ASTN2: variants seen among roughly 807,000 people sequenced by gnomAD.
ASTN2 encodes astrotactin-2.
In ASTN2, 54 loss-of-function variants were observed where a neutral mutation model predicts 139.8. That is an observed-to-expected ratio of 0.39 (90% confidence interval 0.31 to 0.48). ASTN2 has a LOEUF of 0.48. ASTN2 is among the 20% of genes least tolerant of loss of function. The probability of loss-of-function intolerance (pLI) is 0.95; values close to 1 mark genes in which losing one functional copy is unlikely to be tolerated. For missense variants in ASTN2, 1,565 were observed against 1,725.1 expected (o/e 0.91, Z 1.64); for synonymous variants, 756 against 719.5 (o/e 1.05, Z -0.81).
At chr9:117,265,324 T>C (rs560127715) in intron 2 of ASTN2, among the ~76,000 whole-genome samples, 49 of 152,284 alleles carry the variant, frequency 3.2e-4, no homozygotes, top group African/African-American at 1.1e-3. Context: ...GCCTCGGAGA[T>C]AGCCCACTGG....
chr9:117,087,546 G>A (rs1828600061), intron 5 of ASTN2, among the ~76,000 whole-genome samples: 1 of 152,122 alleles, frequency 6.6e-6, no homozygotes, highest in Non-Finnish European at 1.5e-5. Context: ...TTTTCTAGAA[G>A]GCAGATTAAT....
intron 19 of ASTN2, among the ~76,000 whole-genome samples, chr9:116,606,544 A>G (rs1379424407): frequency 6.6e-6 from 1 of 152,202 alleles, no homozygotes. Context: ...CTGCCAGCAA[A>G]AATTCAGAGA....
chr9:116,676,988 T>C (rs772724659), intron 16 of ASTN2, among the ~76,000 whole-genome samples: 1 of 152,258 alleles, frequency 6.6e-6, no homozygotes, highest in Non-Finnish European at 1.5e-5. Context: ...GTTTAGAAGC[T>C]ACAAATATTG....
At position 116,673,241 on chromosome 9, in the gene ASTN2, C is replaced by T. The variant is rs552915206; in HGVS notation, c.2807-21448G>A. ...TTTCAATAATTCCATTCATTCCTTCCTTGCTTTGTTTGTGGGTTTTGTCCA... is the reference window on the plus strand; with the variant it reads ...TTTCAATAATTCCATTCATTCCTTCTTTGCTTTGTTTGTGGGTTTTGTCCA... On this transcript the variant is annotated intron_variant, in intron 16 of 22. Coordinates refer to ENST00000313400, the MANE Select transcript of ASTN2 (RefSeq NM_001365068.1). Among the ~76,000 whole-genome samples the T allele has an allele frequency of 2.6e-5, 4 of 152,254 alleles. No individual in the cohort carries two copies. In the South Asian group the frequency reaches 8.3e-4, roughly 32 times the overall value.
chr9:117,199,181 G>C (rs1831614298), intron 3 of ASTN2, among the ~76,000 whole-genome samples: 1 of 152,064 alleles, frequency 6.6e-6, no homozygotes, highest in African/African-American at 2.4e-5. Context: ...ATTGCTTTTG[G>C]CATCTTCGTC....
chr9:116,596,959 G>A (rs1361431603), intron 19 of ASTN2, among the ~76,000 whole-genome samples: 1 of 152,168 alleles, frequency 6.6e-6, no homozygotes, highest in Non-Finnish European at 1.5e-5. Context: ...AAGTAGGCTA[G>A]TGTTGTTACT....
chr9:116,722,939 G>T (rs1375775399), intron 16 of ASTN2, among the ~76,000 whole-genome samples: 1 of 152,156 alleles, frequency 6.6e-6, no homozygotes, highest in Non-Finnish European at 1.5e-5. Context: ...GCTGAGATGG[G>T]CGGATCATGA....
rs144814026 is a variant in ASTN2, at chr9:117,268,555, C to T, written c.630+22771G>A. ...TCTGATACAGTGCCATCTTGTATTC[C>T]CTGAATACATGACTCAGGACCCTGA... On this transcript the variant is annotated intron_variant, in intron 2 of 22. Coordinates refer to ENST00000313400, the MANE Select transcript of ASTN2 (RefSeq NM_001365068.1). Among the ~76,000 whole-genome samples the T allele has an allele frequency of 2.9e-3, 440 of 152,216 alleles. 2 individuals are homozygous for T. The highest frequency in any genetic ancestry group is 0.01 in the African/African-American group (431 of 41,530).
intron 2 of ASTN2, among the ~76,000 whole-genome samples, chr9:117,231,468 T>G (rs1213743065): frequency 4.6e-5 from 7 of 152,252 alleles, no homozygotes; most frequent in Non-Finnish European, 7.3e-5. Context: ...TACTTTATTC[T>G]GTATCTAGAA....
intron 4 of ASTN2, among the ~76,000 whole-genome samples, chr9:117,114,177 T>TAA (rs1211390939): frequency 9.4e-5 from 8 of 85,116 alleles, no homozygotes; most frequent in South Asian, 3.6e-4. Flanking sequence ...TTTTTTTTTT[T>TAA]TAAAAAAAAA....
chr9:116,737,293 G>T (rs900252748), intron 13 of ASTN2, among the ~76,000 whole-genome samples: 7 of 152,174 alleles, frequency 4.6e-5, no homozygotes, highest in African/African-American at 1.7e-4. Flanking sequence ...ACATGGATGA[G>T]AGAGTAGCTG....
At chr9:116,818,054 TAA>T (rs56278080) in intron 12 of ASTN2, among the ~76,000 whole-genome samples, 108,799 of 151,358 alleles carry the variant, frequency 0.72, 39,222 homozygotes, top group Admixed American at 0.79. Context: ...GTGCTTTTTT[TAA>T]AAAAAAAAAA....
chr9:116,523,952 A>T (rs758375379), intron 19 of ASTN2, among the ~76,000 whole-genome samples: 53 of 152,210 alleles, frequency 3.5e-4, no homozygotes, highest in Admixed American at 2.4e-3. Flanking sequence ...TGCATGGACT[A>T]TATTTTATGG....
intron 12 of ASTN2, among the ~76,000 whole-genome samples, chr9:116,815,402 G>A (rs1045812210): frequency 2.0e-5 from 3 of 152,056 alleles, no homozygotes; most frequent in African/African-American, 7.2e-5. Context: ...AGAAGGTTGG[G>A]ATATCTCAAG....
chr9:117,232,023 G>C (rs572306410), intron 2 of ASTN2, among the ~76,000 whole-genome samples: 4 of 152,226 alleles, frequency 2.6e-5, no homozygotes, highest in African/African-American at 9.6e-5. Flanking sequence ...TGTGGAGACA[G>C]AGCTGGAGTA....
rs1019747104 is a variant in ASTN2, at chr9:116,756,409, A to T, written c.2397-22886T>A. 5.3e-5 allele frequency among the ~76,000 whole-genome samples: 8 copies of T among 152,326 alleles called. No homozygotes were observed. In the East Asian group the frequency reaches 1.4e-3, roughly 26 times the overall value. On this transcript the variant is annotated intron_variant, in intron 13 of 22. Coordinates refer to ENST00000313400, the MANE Select transcript of ASTN2 (RefSeq NM_001365068.1). ...AAGGTTGTTGTGACAATTTTAAATG[A>T]TATAAGTAACACAAAGAACACATTT...
intron 16 of ASTN2, among the ~76,000 whole-genome samples, chr9:116,722,959 A>G (rs1207073209): frequency 1.3e-5 from 2 of 152,126 alleles, no homozygotes; most frequent in Non-Finnish European, 2.9e-5. Flanking sequence ...AGGTCAGGAG[A>G]TTGAGACTAT....
In ASTN2 at chr9:117,414,295, C is replaced by T. The variant is rs1043246244; in HGVS notation, c.442+202G>A. Among the ~76,000 whole-genome samples the T allele has an allele frequency of 6.6e-6, 1 of 152,164 alleles. No homozygotes were observed. Among genetic ancestry groups the T allele is most frequent in the Admixed American group, 6.5e-5 (1 of 15,290 alleles). On this transcript the variant is annotated intron_variant, in intron 1 of 22. Transcript: ENST00000313400. The surrounding 1 kb of genome is among the most constrained non-coding windows in gnomAD (Gnocchi z 4.2). ...GCGGGAGGGTTGGCACGCCCCCAGGCTCCCGCCGCGCGCTCTCCAGGACCT... is the reference window on the plus strand; with the variant it reads ...GCGGGAGGGTTGGCACGCCCCCAGGTTCCCGCCGCGCGCTCTCCAGGACCT...
At chr9:116,822,302 G>A (rs2132272311) in intron 11 of ASTN2, among the ~76,000 whole-genome samples, 2 of 152,306 alleles carry the variant, frequency 1.3e-5, no homozygotes, top group East Asian at 3.9e-4. Flanking sequence ...GCGCCAGGAA[G>A]AGTGACGGAG....
Sources: gnomAD v4.1 joint callset for allele counts (sites outside exome capture counted in the v4.1 genomes callset) on GRCh38, gnomAD v4.1.1 for gene constraint, Gnocchi (gnomAD v3.1) non-coding constraint, MANE v1.5 for transcripts, NCBI Gene and HGNC (gene_info 2026-07-23, HGNC 2026-07-21) for gene names.